The following CATSPER2 variants were observed in gnomAD, a reference collection of about 807,000 sequenced individuals.
CATSPER2 encodes cation channel sperm-associated protein 2.
A neutral mutation model predicts 68.8 loss-of-function variants in CATSPER2; 56 were observed. That is an observed-to-expected ratio of 0.81 (90% CI 0.66 to 1.02). The LOEUF (loss-of-function observed/expected upper bound fraction) is 1.02, where lower values mean the gene tolerates loss of function less well. Among genes scored for constraint, CATSPER2 ranks in the 50% least tolerant of loss-of-function variants. The probability of loss-of-function intolerance (pLI) is 0.00; values close to 1 mark genes in which losing one functional copy is unlikely to be tolerated. For missense variants in CATSPER2, 582 were observed against 642.0 expected (o/e 0.91, Z 1.01); for synonymous variants, 198 against 229.9 (o/e 0.86, Z 1.26).
At chr15:43,646,984 T>C in intron 4 of CATSPER2, 66 bp downstream of exon 4, 1 of 1,395,632 alleles carries the variant, frequency 7.2e-7, no homozygotes, top group Non-Finnish European at 1.0e-6. Context: ...CCCAAAGTGC[T>C]AGGATTACAC....
chr15:43,646,189 A>T (rs1291785506), intron 4 of CATSPER2, among the ~76,000 whole-genome samples: 4 of 151,806 alleles, frequency 2.6e-5, no homozygotes, highest in Non-Finnish European at 4.4e-5. Context: ...TCCCAAGTTC[A>T]GTTCCTTGTG....
chr15:43,639,396 C>T, intron 6 of CATSPER2: 1 of 507,164 alleles, frequency 2.0e-6, no homozygotes, highest in South Asian at 2.1e-5. Flanking sequence ...AGGCACACAC[C>T]ACCAAGCCCG....
At chr15:43,641,259 G>C (rs148371240) in intron 4 of CATSPER2, among the ~76,000 whole-genome samples, 1 of 151,416 alleles carries the variant, frequency 6.6e-6, no homozygotes, top group African/African-American at 2.4e-5. Context: ...TGGGATTACA[G>C]GCATGCACCA....
Position 43,632,219 on chromosome 15 carries a change from T to C in CATSPER2, c.1541A>G (p.Lys514Arg), listed in dbSNP as rs568471736. The stretch of plus-strand genomic sequence containing the variant: ...CATACCTGCAAACTCTTGTAACTTC[T>C]TACGTTCCTCTAGGTTATACTGAAG... Reference protein sequence around the residue: ...EKLQYNLEERKKLQEFAVQAL... With the variant: ...EKLQYNLEERRKLQEFAVQAL... Residue 514 changes from lysine (K) to arginine (R), a missense_variant, in exon 12 of 13, where the codon AAG (lysine) becomes AGG (arginine). Around this residue, in one of 5 missense-constraint regions of CATSPER2, gnomAD observed 235 missense variants for 264.2 expected, o/e 0.89. Transcript: ENST00000396879. 1 of 1,613,656 alleles carries C rather than the reference T, an allele frequency of 6.2e-7. No homozygotes were observed. Among genetic ancestry groups the C allele is most frequent in the East Asian group, 2.2e-5 (1 of 44,874 alleles).
intron 3 of CATSPER2, 70 bp downstream of exon 3, chr15:43,647,224 G>C: frequency 1.3e-6 from 2 of 1,579,424 alleles, no homozygotes; most frequent in East Asian, 2.2e-5. Context: ...GTGGAGTATG[G>C]GGAGCAAAAA....
At chr15:43,640,189 T>G in intron 5 of CATSPER2, 135 bp downstream of exon 5, 2 of 1,571,754 alleles carry the variant, frequency 1.3e-6, no homozygotes, top group East Asian at 2.3e-5. Flanking sequence ...ATGTTTAGTT[T>G]TAGGGAAAAA....
intron 12 of CATSPER2, chr15:43,631,605 T>G: frequency 3.4e-6 from 1 of 292,740 alleles, no homozygotes; most frequent in South Asian, 3.4e-5. Flanking sequence ...AAAATAACTT[T>G]GAATAGATAG....
upstream of CATSPER2, chr15:43,648,860 C>G: frequency 1.3e-6 from 2 of 1,521,972 alleles, no homozygotes; most frequent in Non-Finnish European, 8.8e-7. Flanking sequence ...CCCAGCCACT[C>G]GCCGCCTAGG....
intron 4 of CATSPER2, among the ~76,000 whole-genome samples, chr15:43,640,806 C>A (rs113658666): frequency 1.2e-4 from 18 of 151,988 alleles, no homozygotes; most frequent in African/African-American, 4.3e-4. Flanking sequence ...TTTAATTACC[C>A]CTACCTCCAA....
rs753265562 is a variant in CATSPER2 at position 43,640,370 on chromosome 15, A to T, written c.515T>A (p.Phe172Tyr). ...AAAGACATTCCAGGCACTCTTCCAG[A>T]AAACAGAAAAGTTGGATAGCCACTT... is the stretch of plus-strand genomic sequence containing the variant. ...LLKWLSNFSV[F>Y]WKSAWNVFDF... The change falls in exon 5 of 13, where the codon TTC (phenylalanine) becomes TAC (tyrosine). Residue 172 changes from phenylalanine (F) to tyrosine (Y), a missense_variant. By Grantham distance (22) the Phe-to-Tyr change is conservative (BLOSUM62 3). Coordinates refer to ENST00000396879, the MANE Select transcript of CATSPER2 (RefSeq NM_172095.4). 34 of 1,612,618 alleles carry T rather than the reference A, an allele frequency of 2.1e-5. No individual in the cohort carries two copies. The African/African-American group carries it at 2.9e-4, about 14-fold the overall frequency.
At chr15:43,636,318 AGTTT>A in intron 7 of CATSPER2, 99 bp from the exon 8 acceptor site, 11 of 1,506,042 alleles carry the variant, frequency 7.3e-6, no homozygotes, top group Middle Eastern at 1.7e-4. Context: ...ATTTCTTTGT[AGTTT>A]GTTCTGATTT....
In CATSPER2 at chr15:43,630,618, G is replaced by A; in HGVS notation, c.*83C>T. 6.2e-7 allele frequency: 1 copy of A among 1,608,048 alleles called. No individual in the cohort carries two copies. The highest frequency in any genetic ancestry group is 8.5e-7 in the Non-Finnish European group (1 of 1,177,382). Reference sequence around the variant, plus strand: ...TGAACAGACATTGTTCTATCTGAATGTTTATATTTTCAATTCTCTATTTCC... The same window carrying A: ...TGAACAGACATTGTTCTATCTGAATATTTATATTTTCAATTCTCTATTTCC... On this transcript the variant is annotated 3_prime_UTR_variant, in exon 13 of 13. Coordinates refer to ENST00000396879, the MANE Select transcript of CATSPER2 (RefSeq NM_172095.4).
intron 5 of CATSPER2, 104 bp from the exon 6 acceptor site, chr15:43,639,902 C>A: frequency 6.2e-7 from 1 of 1,602,954 alleles, no homozygotes; most frequent in Non-Finnish European, 8.5e-7. Flanking sequence ...GGCGTTATCC[C>A]TTGAATAGCA....
chr15:43,631,464 T>C (rs1016003696), intron 12 of CATSPER2: 19 of 262,692 alleles, frequency 7.2e-5, no homozygotes, highest in Middle Eastern at 7.1e-4. Flanking sequence ...CTCCTGACCT[T>C]GTGATCTGCC....
At chr15:43,645,562 G>C (rs1217453750) in intron 4 of CATSPER2, among the ~76,000 whole-genome samples, 1 of 151,730 alleles carries the variant, frequency 6.6e-6, no homozygotes, top group Non-Finnish European at 1.5e-5. Context: ...TAAGGCATGA[G>C]GATCTTTTGA....
intron 4 of CATSPER2, among the ~76,000 whole-genome samples, chr15:43,643,512 T>G (rs949111678): frequency 1.3e-5 from 2 of 151,818 alleles, no homozygotes; most frequent in Non-Finnish European, 2.9e-5. Context: ...AATTCTTGTA[T>G]TTTCAGTAGA....
intron 10 of CATSPER2, chr15:43,634,747 T>C (rs535826253): frequency 2.6e-5 from 4 of 154,166 alleles, no homozygotes; most frequent in African/African-American, 9.6e-5. Flanking sequence ...TGCTAAACAC[T>C]TGGGGTCTAG....
rs28660230 is a variant in CATSPER2 at position 43,647,943 on chromosome 15, G to A, written c.119C>T (p.Pro40Leu). The A allele has an allele frequency of 8.1e-6, 13 of 1,613,474 alleles. No homozygotes were observed. Among genetic ancestry groups the A allele is most frequent in the South Asian group, 7.7e-5 (7 of 91,042 alleles). Residue 40 changes from proline to leucine, a missense_variant, in exon 2 of 13, where the codon CCG (proline) becomes CTG (leucine). Around this residue, in one of 5 missense-constraint regions of CATSPER2, gnomAD observed 197 missense variants for 191.0 expected, o/e 1.03. Coordinates refer to ENST00000396879, the MANE Select transcript of CATSPER2 (RefSeq NM_172095.4). ...AAGTAACTCCCTGATAGTGTGCCGC[G>A]GCACAGCTTGGCTCAAGCCTTGCAA... ...EHLQGLSQAVPRHTIRELLDP... is the reference protein window; with the variant it reads ...EHLQGLSQAVLRHTIRELLDP...
In CATSPER2 at chr15:43,632,762, A is replaced by C. The variant is rs1231638372; in HGVS notation, c.1351T>G (p.Ser451Ala). The C allele has an allele frequency of 1.9e-6, 3 of 1,613,560 alleles. No homozygotes were observed. Among genetic ancestry groups the C allele is most frequent in the African/African-American group, 2.7e-5 (2 of 74,854 alleles). Reference protein sequence around the residue: ...QSSSCVSSTSSSYSSSSESRF... With the variant: ...QSSSCVSSTSASYSSSSESRF... ...GATTCAGAAGAGGAAGAATAGGAAG[A>C]GGATGTGGAGGAGACACAGGAGGAA... The change falls in exon 11 of 13, where the codon TCT becomes GCT. Residue 451 changes from serine to alanine, a missense_variant. This residue lies in a region of CATSPER2 where 235 missense variants were observed against 264.2 expected (regional missense o/e 0.89). Coordinates refer to ENST00000396879, the MANE Select transcript of CATSPER2 (RefSeq NM_172095.4).
Sources: allele counts gnomAD v4.1 joint callset (sites outside exome capture counted in the v4.1 genomes callset), GRCh38; gene constraint gnomAD v4.1.1; regional missense constraint gnomAD v4.1.1; transcripts MANE v1.5; gene names NCBI Gene and HGNC (gene_info 2026-07-23, HGNC 2026-07-21).